Variants in RNGTT observed in about 807,000 individuals in gnomAD.
RNGTT encodes mRNA-capping enzyme.
In RNGTT, 33 loss-of-function variants were observed where a neutral mutation model predicts 79.3. The observed-to-expected ratio is 0.42, with a 90% CI of 0.32 to 0.56. The LOEUF is 0.56. RNGTT is among the 20% of genes least tolerant of loss of function. The pLI is 0.17. For missense variants in RNGTT, 497 were observed against 739.1 expected (o/e 0.67, Z 3.80); for synonymous variants, 222 against 235.9 (o/e 0.94, Z 0.54).
intron 1 of RNGTT, among the ~76,000 whole-genome samples, chr6:88,954,963 CAGG>C (rs1360659192): frequency 6.6e-6 from 1 of 151,920 alleles, no homozygotes; most frequent in East Asian, 1.9e-4. Flanking sequence ...GAGGCTGAGG[CAGG>C]AGAATTGTTT....
chr6:88,636,420 G>C (rs1394040960), intron 14 of RNGTT, among the ~76,000 whole-genome samples: 2 of 152,026 alleles, frequency 1.3e-5, no homozygotes, highest in East Asian at 3.8e-4. Context: ...GGAGGTCACA[G>C]ATAGTGTTTG....
chr6:88,681,364 T>C (rs993810124), intron 13 of RNGTT, among the ~76,000 whole-genome samples: 4 of 152,206 alleles, frequency 2.6e-5, no homozygotes, highest in African/African-American at 9.6e-5. Flanking sequence ...TATATGTATG[T>C]ATGTATATTT....
At chr6:88,692,599 T>A (rs554291611) in intron 13 of RNGTT, among the ~76,000 whole-genome samples, 3 of 152,146 alleles carry the variant, frequency 2.0e-5, no homozygotes, top group Middle Eastern at 3.4e-3. Context: ...AGCAGATGAT[T>A]GCCAGAGAAG....
At chr6:88,674,201 A>G (rs1774768672) in intron 14 of RNGTT, among the ~76,000 whole-genome samples, 1 of 152,230 alleles carries the variant, frequency 6.6e-6, no homozygotes. Flanking sequence ...GGAGTTATTT[A>G]AAGAGGTGCT....
rs1784182163 is a variant in RNGTT, at chr6:88,922,109, T to C, written c.367+6876A>G. 2.0e-5 allele frequency among the ~76,000 whole-genome samples: 3 copies of C among 152,144 alleles called. No homozygotes were observed. In the South Asian group the frequency reaches 6.2e-4, roughly 32 times the overall value. On this transcript the variant is annotated intron_variant, in intron 4 of 15. Coordinates refer to ENST00000369485, the MANE Select transcript of RNGTT (RefSeq NM_003800.5). ...TTTTTAGAGACCAGGTCTGGCTATG[T>C]TGTCCAGGCTGGACTTCAACTCCCA...
At chr6:88,771,772 T>C (rs746298101) in intron 12 of RNGTT, among the ~76,000 whole-genome samples, 34 of 152,188 alleles carry the variant, frequency 2.2e-4, no homozygotes, top group Non-Finnish European at 4.6e-4. Flanking sequence ...TTGTTAAATG[T>C]ATTCCTAATA....
chr6:88,634,911 T>G (rs1408440250), intron 14 of RNGTT, among the ~76,000 whole-genome samples: 1 of 152,106 alleles, frequency 6.6e-6, no homozygotes. Flanking sequence ...TTGTTATTAT[T>G]AATAGTTCTT....
intron 14 of RNGTT, among the ~76,000 whole-genome samples, chr6:88,669,262 T>C (rs1481544829): frequency 6.6e-6 from 1 of 152,180 alleles, no homozygotes; most frequent in Non-Finnish European, 1.5e-5. Flanking sequence ...AAAAGATTTG[T>C]TCCTGCAGTT....
chr6:88,692,457 A>AC (rs1775516932), intron 13 of RNGTT, among the ~76,000 whole-genome samples: 1 of 152,160 alleles, frequency 6.6e-6, no homozygotes, highest in East Asian at 1.9e-4. Context: ...ACTCAGCAAA[A>AC]AAAAAAAGGG....
At chr6:88,692,750 C>T (rs1321535401) in intron 13 of RNGTT, among the ~76,000 whole-genome samples, 3 of 151,978 alleles carry the variant, frequency 2.0e-5, no homozygotes, top group African/African-American at 4.8e-5. Context: ...GATTAACTTG[C>T]AAACTTTAAA....
Position 88,844,350 on chromosome 6 carries a change from A to G in RNGTT, c.1269+7T>C, listed in dbSNP as rs781185285. On this transcript the variant is annotated splice_region_variant and intron_variant, in intron 11 of 15. Transcript: ENST00000369485. ...TAGCACTAATTTAAAAAAAAATTAA[A>G]CTTTACCTTTCTTGAAGTACAGATG... is the stretch of plus-strand genomic sequence containing the variant. 1.2e-6 allele frequency: 2 copies of G among 1,607,048 alleles called. No individual in the cohort carries two copies. The highest frequency in any genetic ancestry group is 1.7e-6 in the Non-Finnish European group (2 of 1,177,930).
chr6:88,647,152 A>T (rs764669638), intron 14 of RNGTT, among the ~76,000 whole-genome samples: 2 of 152,222 alleles, frequency 1.3e-5, no homozygotes, highest in Non-Finnish European at 2.9e-5. Flanking sequence ...TAGGGCAGCT[A>T]ACACCAGAGT....
At chr6:88,839,235 G>GT (rs1470133724) in intron 11 of RNGTT, among the ~76,000 whole-genome samples, 4 of 151,492 alleles carry the variant, frequency 2.6e-5, no homozygotes, top group Admixed American at 1.3e-4. Flanking sequence ...ATACTGTCAA[G>GT]TTTTTTTTAA....
intron 8 of RNGTT, among the ~76,000 whole-genome samples, chr6:88,870,122 T>C (rs1483634637): frequency 6.6e-6 from 1 of 152,158 alleles, no homozygotes; most frequent in Non-Finnish European, 1.5e-5. Context: ...AGTGATACTA[T>C]ACTAAGATGG....
intron 11 of RNGTT, among the ~76,000 whole-genome samples, chr6:88,840,341 A>G (rs1328759905): frequency 1.3e-5 from 2 of 152,196 alleles, no homozygotes; most frequent in Non-Finnish European, 1.5e-5. Context: ...AAACAATAAT[A>G]AGAACTGAAA....
chr6:88,902,690 CTTTTTTTTTTTT>C (rs71024315), intron 6 of RNGTT, among the ~76,000 whole-genome samples: 5 of 82,706 alleles, frequency 6.0e-5, no homozygotes, highest in Admixed American at 3.2e-4. Context: ...ATAGTGAAAT[CTTTTTTTTTTTT>C]TTTTTTTTTT....
At chr6:88,696,913 C>T (rs562236770) in intron 13 of RNGTT, among the ~76,000 whole-genome samples, 7 of 152,204 alleles carry the variant, frequency 4.6e-5, no homozygotes, top group South Asian at 4.1e-4. Context: ...GGATATAATT[C>T]ACAAATCAAT....
Position 88,839,056 on chromosome 6 carries a change from C to CA in RNGTT, c.1269+5300dup, listed in dbSNP as rs34355123. Reference sequence around the variant, plus strand: ...ATAGAAACAACTGAATATCTATATGCAAAAAAAAAAAAACCATGTCAACAG... The same window carrying CA: ...ATAGAAACAACTGAATATCTATATGCAAAAAAAAAAAAAACCATGTCAACAG... On this transcript the variant is annotated intron_variant, in intron 11 of 15. Transcript: ENST00000369485. 7.4e-3 allele frequency among the ~76,000 whole-genome samples: 971 copies of CA among 131,686 alleles called. 3 individuals are homozygous for CA. The highest frequency in any genetic ancestry group is 0.02 in the African/African-American group (748 of 37,386). The allele number at this position is 131,686 out of a possible 152,430, so 86.4% of individuals were successfully genotyped here.
At chr6:88,830,646 G>A (rs1780829275) in intron 11 of RNGTT, among the ~76,000 whole-genome samples, 1 of 151,638 alleles carries the variant, frequency 6.6e-6, no homozygotes, top group Non-Finnish European at 1.5e-5. Context: ...GTGAATCCAG[G>A]AGCTGGTTTT....
Sources: gnomAD v4.1 joint callset for allele counts (sites outside exome capture counted in the v4.1 genomes callset) on GRCh38, gnomAD v4.1.1 for gene constraint, MANE v1.5 for transcripts, NCBI Gene and HGNC (gene_info 2026-07-23, HGNC 2026-07-21) for gene names.